FRMD4A: variants seen among roughly 807,000 people sequenced by gnomAD.
The protein encoded by FRMD4A is FERM domain containing 4A.
In FRMD4A, 29 loss-of-function variants were observed where a neutral mutation model predicts 129.1. That is an observed-to-expected ratio of 0.22 (90% CI 0.17 to 0.31). The LOEUF (loss-of-function observed/expected upper bound fraction) is 0.31, where lower values mean the gene tolerates loss of function less well. FRMD4A is among the 10% of genes least tolerant of loss of function. FRMD4A has a pLI of 1.00. For synonymous variants in FRMD4A, 634 were observed against 571.6 expected (o/e 1.11, Z -1.56); for missense variants, 1,272 against 1,375.8 (o/e 0.92, Z 1.19).
At chr10:13,694,208 G>A (rs1186656055) in intron 14 of FRMD4A, among the ~76,000 whole-genome samples, 169 bp from the exon 15 acceptor site, 1 of 152,162 alleles carries the variant, frequency 6.6e-6, no homozygotes, top group Non-Finnish European at 1.5e-5. Context: ...ATTAATCACC[G>A]AAACTCTCTG....
intron 2 of FRMD4A, among the ~76,000 whole-genome samples, chr10:14,093,944 A>C (rs893561067): frequency 6.6e-6 from 1 of 152,240 alleles, no homozygotes; most frequent in Non-Finnish European, 1.5e-5. Flanking sequence ...GCTGGGAAGA[A>C]GATGCTTTTT....
intron 2 of FRMD4A, among the ~76,000 whole-genome samples, chr10:14,136,762 T>C (rs1312210834): frequency 6.6e-6 from 1 of 152,136 alleles, no homozygotes; most frequent in Non-Finnish European, 1.5e-5. Context: ...GTCTCTTGTC[T>C]TCCTTAAATG....
chr10:13,904,996 A>G (rs72772756), intron 2 of FRMD4A, among the ~76,000 whole-genome samples: 452 of 12,822 alleles, frequency 0.035, 65 homozygotes, highest in Non-Finnish European at 0.09. Context: ...CTATCTCAAA[A>G]AAAAAAAAAA....
chr10:13,901,327 G>T (rs1035044292), intron 2 of FRMD4A, among the ~76,000 whole-genome samples: 1 of 152,246 alleles, frequency 6.6e-6, no homozygotes, highest in African/African-American at 2.4e-5. Flanking sequence ...TGGAGGCTGG[G>T]TGTGGTGGCT....
chr10:14,290,385 T>A (rs1049482294), intron 2 of FRMD4A, among the ~76,000 whole-genome samples: 2 of 151,964 alleles, frequency 1.3e-5, no homozygotes, highest in African/African-American at 4.8e-5. Flanking sequence ...CAGACATACA[T>A]ACCAATGGAA....
At chr10:14,044,487 T>G (rs1180816395) in intron 2 of FRMD4A, among the ~76,000 whole-genome samples, 1 of 152,202 alleles carries the variant, frequency 6.6e-6, no homozygotes, top group Non-Finnish European at 1.5e-5. Flanking sequence ...CCAATATGAC[T>G]AGCCCTTCTA....
At chr10:14,135,081 G>A (rs910451918) in intron 2 of FRMD4A, among the ~76,000 whole-genome samples, 108 of 152,276 alleles carry the variant, frequency 7.1e-4, no homozygotes, top group African/African-American at 2.5e-3. Context: ...TATTTTAAAA[G>A]TAAGAAAACA....
At chr10:13,994,988 G>C (rs2095617394) in intron 2 of FRMD4A, among the ~76,000 whole-genome samples, 1 of 152,192 alleles carries the variant, frequency 6.6e-6, no homozygotes, top group Non-Finnish European at 1.5e-5. Flanking sequence ...CGCAGCCACA[G>C]GAGTTAAGAT....
At chr10:14,242,821 T>C (rs1844095969) in intron 2 of FRMD4A, among the ~76,000 whole-genome samples, 1 of 151,930 alleles carries the variant, frequency 6.6e-6, no homozygotes, top group Non-Finnish European at 1.5e-5. Context: ...TGGAAAGGAG[T>C]ATGAAAGCTC....
At chr10:14,284,688 CATT>C (rs1377032224) in intron 2 of FRMD4A, among the ~76,000 whole-genome samples, 1 of 152,094 alleles carries the variant, frequency 6.6e-6, no homozygotes, top group Non-Finnish European at 1.5e-5. Context: ...AGTCTAAAAA[CATT>C]AATAAGGATC....
intron 2 of FRMD4A, among the ~76,000 whole-genome samples, chr10:14,129,663 A>G (rs1839138816): frequency 6.6e-6 from 1 of 151,858 alleles, no homozygotes; most frequent in African/African-American, 2.4e-5. Flanking sequence ...GGAGTCTTGC[A>G]TGGGTCGCCT....
rs2095171240 is a variant in FRMD4A, at chr10:13,929,588, T to C, written c.46-70676A>G. Among the ~76,000 whole-genome samples, 4 of 152,156 alleles carry C rather than the reference T, an allele frequency of 2.6e-5. No homozygotes were observed. The South Asian group carries it at 8.3e-4, about 32-fold the overall frequency. ...GTTTAAAACCTGGAATTTAGGCTTA[T>C]TTTGCCACCTGAAAAAATTGGGGGA... On this transcript the variant is annotated intron_variant, in intron 2 of 24. Transcript: ENST00000357447.
chr10:13,783,925 G>T, intron 5 of FRMD4A, among the ~76,000 whole-genome samples: 1 of 152,188 alleles, frequency 6.6e-6, no homozygotes, highest in South Asian at 2.1e-4. Flanking sequence ...TTATAATATT[G>T]ACTTTGGAGT....
chr10:13,698,757 G>A (rs1255705005), intron 14 of FRMD4A, among the ~76,000 whole-genome samples: 1 of 152,170 alleles, frequency 6.6e-6, no homozygotes, highest in Non-Finnish European at 1.5e-5. Context: ...GACCCACCCG[G>A]GGTCCCAGAG....
chr10:14,038,277 C>G (rs1038708100), intron 2 of FRMD4A, among the ~76,000 whole-genome samples: 5 of 152,094 alleles, frequency 3.3e-5, no homozygotes, highest in Non-Finnish European at 5.9e-5. Context: ...GAGCCAAGAT[C>G]GCACCACTGC....
intron 2 of FRMD4A, among the ~76,000 whole-genome samples, chr10:14,274,557 C>T (rs954267660): frequency 7.9e-5 from 12 of 152,236 alleles, no homozygotes; most frequent in East Asian, 1.9e-4. Context: ...TTAGAGCTGC[C>T]GCCCCAGTGT....
chr10:14,107,553 T>A (rs1306814137), intron 2 of FRMD4A, among the ~76,000 whole-genome samples: 1 of 152,222 alleles, frequency 6.6e-6, no homozygotes, highest in Non-Finnish European at 1.5e-5. Flanking sequence ...TCATAGCTTC[T>A]ATCATTATCT....
intron 2 of FRMD4A, among the ~76,000 whole-genome samples, chr10:14,220,810 GTT>G (rs1285003097): frequency 9.2e-3 from 250 of 27,250 alleles, no homozygotes; most frequent in African/African-American, 0.02. Flanking sequence ...GTGTGTGTGT[GTT>G]TGTGTGTGTG....
chr10:14,075,380 T>C (rs980231884), intron 2 of FRMD4A, among the ~76,000 whole-genome samples: 18 of 152,272 alleles, frequency 1.2e-4, no homozygotes, highest in African/African-American at 4.1e-4. Flanking sequence ...AACAACATGA[T>C]GTGTGTGTGG....
Sources: allele counts gnomAD v4.1 joint callset (sites outside exome capture counted in the v4.1 genomes callset), GRCh38; gene constraint gnomAD v4.1.1; transcripts MANE v1.5; gene names NCBI Gene and HGNC (gene_info 2026-07-23, HGNC 2026-07-21).